YAE1: variants seen among roughly 807,000 people sequenced by gnomAD.
YAE1 encodes the protein protein YAE1 homolog.
In YAE1, 22 loss-of-function variants were observed where a neutral mutation model predicts 23.0. The ratio of observed to expected loss-of-function variants is 0.96; its 90% CI spans 0.68 to 1.37. The LOEUF (loss-of-function observed/expected upper bound fraction) is 1.37. YAE1 is among the 40% of genes most tolerant of loss of function. YAE1 has a pLI of 0.00. For synonymous variants in YAE1, 101 were observed against 97.0 expected (o/e 1.04, Z -0.24); for missense variants, 260 against 262.1 (o/e 0.99, Z 0.06).
At chr7:39,566,615 G>A in intron 1 of YAE1, 68 bp downstream of exon 1, 1 of 1,593,940 alleles carries the variant, frequency 6.3e-7, no homozygotes, top group South Asian at 1.1e-5. Flanking sequence ...GAAGAAGCTG[G>A]GTCCAGAGTG....
intron 2 of YAE1, among the ~76,000 whole-genome samples, chr7:39,607,683 T>G (rs1350976644): frequency 6.6e-6 from 1 of 152,254 alleles, no homozygotes; most frequent in Non-Finnish European, 1.5e-5. Context: ...TTTGTTTGTT[T>G]TTTAAGATGT....
chr7:39,594,613 T>G (rs975393521), intron 2 of YAE1, among the ~76,000 whole-genome samples: 1 of 152,052 alleles, frequency 6.6e-6, no homozygotes, highest in Non-Finnish European at 1.5e-5. Flanking sequence ...CCTCATTTTT[T>G]TTTTTTGAGA....
chr7:39,609,174 T>C (rs2115860430), intron 2 of YAE1, among the ~76,000 whole-genome samples: 1 of 152,274 alleles, frequency 6.6e-6, no homozygotes, highest in Non-Finnish European at 1.5e-5. Flanking sequence ...ACAGGAAGAA[T>C]AACCAGGCCA....
downstream of YAE1, among the ~76,000 whole-genome samples, chr7:39,577,382 A>T (rs1790670465): frequency 6.6e-6 from 1 of 152,116 alleles, no homozygotes; most frequent in South Asian, 2.1e-4. Flanking sequence ...GCGCTGTGGG[A>T]GCCCCTCTCT....
chr7:39,597,512 A>G (rs1167816910), intron 2 of YAE1, among the ~76,000 whole-genome samples: 1 of 152,238 alleles, frequency 6.6e-6, no homozygotes, highest in Non-Finnish European at 1.5e-5. Flanking sequence ...CGCTGGTCTC[A>G]GTTATTACAT....
intron 1 of YAE1, 99 bp from the exon 2 acceptor site, chr7:39,570,407 C>A: frequency 7.1e-7 from 1 of 1,403,848 alleles, no homozygotes. Flanking sequence ...ACAGTAAAGG[C>A]CTAATTCATC....
At chr7:39,581,743 C>G (rs1447013845) in intron 2 of YAE1, among the ~76,000 whole-genome samples, 1 of 151,776 alleles carries the variant, frequency 6.6e-6, no homozygotes, top group Non-Finnish European at 1.5e-5. Context: ...TGGTAGTGCA[C>G]ACCTATGGTC....
At chr7:39,574,733 C>CAAA (rs574580885), downstream of YAE1, among the ~76,000 whole-genome samples, 303 of 77,892 alleles carry the variant, frequency 3.9e-3, 2 homozygotes, top group Non-Finnish European at 4.6e-3. Flanking sequence ...ACTCTGTCTC[C>CAAA]AAAAAAAAAA....
intron 2 of YAE1, among the ~76,000 whole-genome samples, chr7:39,599,691 T>C (rs1202278345): frequency 6.6e-6 from 1 of 151,824 alleles, no homozygotes; most frequent in Non-Finnish European, 1.5e-5. Flanking sequence ...TTTTTATTTA[T>C]TTATTTTTTA....
intron 1 of YAE1, 99 bp downstream of exon 1, chr7:39,566,646 T>C: frequency 6.6e-7 from 1 of 1,522,616 alleles, no homozygotes; most frequent in Non-Finnish European, 8.8e-7. Context: ...GGCCCGGCGC[T>C]GCTCTCTTTA....
chr7:39,609,104 C>G (rs1791168975), intron 2 of YAE1, among the ~76,000 whole-genome samples: 1 of 152,156 alleles, frequency 6.6e-6, no homozygotes, highest in Admixed American at 6.5e-5. Flanking sequence ...GCCCGCCAGC[C>G]CCTTTAATGT....
chr7:39,573,361 T>C (rs1012469466), downstream of YAE1, among the ~76,000 whole-genome samples: 8 of 152,112 alleles, frequency 5.3e-5, no homozygotes, highest in Admixed American at 4.6e-4. Flanking sequence ...TAGTAAGGAG[T>C]TAGTAATATT....
downstream of YAE1, among the ~76,000 whole-genome samples, chr7:39,575,768 T>G (rs576154724): frequency 2.1e-4 from 32 of 152,300 alleles, no homozygotes; most frequent in African/African-American, 7.5e-4. Context: ...ATTCTTAATT[T>G]CTCATGCACT....
At chr7:39,605,547 C>T in intron 2 of YAE1, among the ~76,000 whole-genome samples, 1 of 152,314 alleles carries the variant, frequency 6.6e-6, no homozygotes, top group Middle Eastern at 3.4e-3. Context: ...AATTGAAACA[C>T]TGGCTGTTTT....
At chr7:39,583,025 T>A (rs1391500993) in intron 2 of YAE1, among the ~76,000 whole-genome samples, 1 of 152,236 alleles carries the variant, frequency 6.6e-6, no homozygotes, top group Non-Finnish European at 1.5e-5. Context: ...AAGGTGATTT[T>A]AAAAACTTGC....
chr7:39,608,109 TA>T (rs1231197163), intron 2 of YAE1, among the ~76,000 whole-genome samples: 2 of 152,212 alleles, frequency 1.3e-5, no homozygotes, highest in Non-Finnish European at 1.5e-5. Flanking sequence ...TCAAAAAAAT[TA>T]ATTAAGGAAA....
chr7:39,592,070 A>G (rs1450473701), intron 2 of YAE1, among the ~76,000 whole-genome samples: 1 of 152,154 alleles, frequency 6.6e-6, no homozygotes, highest in Non-Finnish European at 1.5e-5. Flanking sequence ...CAGTCATTTT[A>G]TCCATTCACC....
chr7:39,572,544 G>A lies in YAE1; in HGVS notation c.519G>A (p.Lys173=). The A allele has an allele frequency of 6.2e-7, 1 of 1,614,152 alleles. No individual in the cohort carries two copies. ...NNAEFNKNCS[K]SHSGIDCSYV... ...CTGAGTTTAACAAAAACTGTAGCAA[G>A]AGCCATAGTGGGATAGATTGTTCAT... Residue 173 remains lysine, a synonymous_variant, in exon 3 of 3, where the codon AAG becomes AAA. Transcript: ENST00000223273.
intron 2 of YAE1, among the ~76,000 whole-genome samples, chr7:39,580,591 G>A (rs1790727108): frequency 6.6e-6 from 1 of 152,138 alleles, no homozygotes; most frequent in Non-Finnish European, 1.5e-5. Flanking sequence ...TTAGTTCAAG[G>A]CCACTAGGTG....
Sources: allele counts gnomAD v4.1 joint callset (sites outside exome capture counted in the v4.1 genomes callset), GRCh38; gene constraint gnomAD v4.1.1; transcripts MANE v1.5; gene names NCBI Gene and HGNC (gene_info 2026-07-23, HGNC 2026-07-21).